OR7E24: variants seen among roughly 807,000 people sequenced by gnomAD.
OR7E24 encodes the protein olfactory receptor family 7 subfamily E member 24.
For missense variants in OR7E24, 385 were observed against 410.3 expected (o/e 0.94, Z 0.53); for synonymous variants, 130 against 157.5 (o/e 0.83, Z 1.31).
the OR7E24 span, among the ~76,000 whole-genome samples, chr19:9,234,062 C>T: frequency 6.6e-6 from 1 of 152,124 alleles, no homozygotes; most frequent in African/African-American, 2.4e-5. Context: ...CACCACCACG[C>T]CTGGCAATTT....
upstream of OR7E24, among the ~76,000 whole-genome samples, chr19:9,249,926 G>T (rs1397046619): frequency 1.3e-5 from 2 of 151,938 alleles, no homozygotes; most frequent in Admixed American, 6.6e-5. Flanking sequence ...CTGCATTCCA[G>T]CCTGGTGACA....
chr19:9,214,925 T>A, the OR7E24 span: 1 of 734,168 alleles, frequency 1.4e-6, no homozygotes, highest in Non-Finnish European at 2.3e-6. Context: ...CTTTACAATA[T>A]CACCTTTTGA....
chr19:9,240,829 T>A, the OR7E24 span, among the ~76,000 whole-genome samples: 1 of 152,178 alleles, frequency 6.6e-6, no homozygotes, highest in Non-Finnish European at 1.5e-5. Context: ...ATTTATTTAT[T>A]TATTTTGAGA....
upstream of OR7E24, among the ~76,000 whole-genome samples, chr19:9,243,122 G>A (rs1490298094): frequency 1.3e-5 from 2 of 152,094 alleles, no homozygotes; most frequent in African/African-American, 2.4e-5. Flanking sequence ...CTGTGTTTGG[G>A]ATGCAGTTCA....
chr19:9,217,355 G>GA, the OR7E24 span, among the ~76,000 whole-genome samples: 1 of 151,804 alleles, frequency 6.6e-6, no homozygotes, highest in African/African-American at 2.4e-5. Flanking sequence ...TTTGAGGTTT[G>GA]AAAAAAAATT....
At chr19:9,220,761 T>C in the OR7E24 span, among the ~76,000 whole-genome samples, 1 of 152,202 alleles carries the variant, frequency 6.6e-6, no homozygotes, top group Non-Finnish European at 1.5e-5. Flanking sequence ...GGTAGTTCTA[T>C]TTTTAAGTTT....
the OR7E24 span, among the ~76,000 whole-genome samples, chr19:9,215,499 C>T: frequency 6.6e-6 from 1 of 151,764 alleles, no homozygotes; most frequent in African/African-American, 2.4e-5. Flanking sequence ...AATCCCCATG[C>T]TTCCTTCATT....
chr19:9,233,447 G>A, the OR7E24 span, among the ~76,000 whole-genome samples: 85 of 152,310 alleles, frequency 5.6e-4, no homozygotes, highest in African/African-American at 1.9e-3. Context: ...ACGTACACAC[G>A]AGAACAGACT....
rs981552223 is a variant in OR7E24 at position 9,251,439 on chromosome 19, C to T, written c.396C>T (p.Leu132=). 5.0e-6 allele frequency: 8 copies of T among 1,614,132 alleles called. No individual in the cohort carries two copies. The highest frequency in any genetic ancestry group is 1.6e-4 in the Middle Eastern group (1 of 6,062). Residue 132 remains leucine, a synonymous_variant, in exon 1 of 1, where the codon CTC becomes CTT. Transcript: ENST00000456448. Reference sequence around the variant, plus strand: ...TTTTTGCATGTATGGATGACATGCTCCTGAGTGTGATGGCCTATGACCGGT... The same window carrying T: ...TTTTTGCATGTATGGATGACATGCTTCTGAGTGTGATGGCCTATGACCGGT... ...FVLFACMDDM[L]LSVMAYDRFV... is the part of the protein sequence containing the mutation.
chr19:9,244,502 G>T (rs771016882), upstream of OR7E24, among the ~76,000 whole-genome samples: 2 of 152,230 alleles, frequency 1.3e-5, no homozygotes, highest in Non-Finnish European at 2.9e-5. Context: ...TCAAAATGCA[G>T]AAGAATGAAG....
At chr19:9,214,319 C>A in the OR7E24 span, 1 of 1,614,116 alleles carries the variant, frequency 6.2e-7, no homozygotes, top group Non-Finnish European at 8.5e-7. Context: ...AATGCGGAAT[C>A]TCAGTGCCTG....
the OR7E24 span, among the ~76,000 whole-genome samples, chr19:9,225,691 C>T: frequency 6.6e-6 from 1 of 152,132 alleles, no homozygotes; most frequent in Non-Finnish European, 1.5e-5. Context: ...TGGGGAATGC[C>T]ACTCCTTGAA....
upstream of OR7E24, among the ~76,000 whole-genome samples, chr19:9,246,466 T>TGGGG (rs1555720675): frequency 4.3e-4 from 56 of 131,064 alleles, 1 homozygote; most frequent in African/African-American, 1.6e-3. Context: ...CTTAAAGGTA[T>TGGGG]TGTGTGTGTG....
At chr19:9,232,538 C>CAA in the OR7E24 span, among the ~76,000 whole-genome samples, 3,457 of 62,156 alleles carry the variant, frequency 0.056, 217 homozygotes, top group African/African-American at 0.15. Context: ...AACTCCGTCG[C>CAA]AAAAAAAAAA....
the OR7E24 span, chr19:9,214,082 A>G: frequency 0.012 from 19,967 of 1,614,068 alleles, 83 homozygotes; most frequent in Non-Finnish European, 0.015. Flanking sequence ...GTCCTGTTCC[A>G]TAGAACAAGG....
chr19:9,213,749 C>T, the OR7E24 span: 1 of 632,126 alleles, frequency 1.6e-6, no homozygotes, highest in Non-Finnish European at 2.7e-6. Flanking sequence ...AAAACAATAA[C>T]AATAACAACA....
At chr19:9,230,889 T>A in the OR7E24 span, among the ~76,000 whole-genome samples, 1 of 152,118 alleles carries the variant, frequency 6.6e-6, no homozygotes, top group Non-Finnish European at 1.5e-5. Context: ...TTCATGAATT[T>A]AAGAGGAATG....
the OR7E24 span, among the ~76,000 whole-genome samples, chr19:9,225,774 T>C: frequency 1.3e-5 from 2 of 152,212 alleles, no homozygotes; most frequent in African/African-American, 4.8e-5. Flanking sequence ...TCCTTACTTA[T>C]CCATTTCAGA....
chr19:9,211,456 A>G, the OR7E24 span: 1 of 152,252 alleles, frequency 6.6e-6, no homozygotes, highest in Non-Finnish European at 1.5e-5. Context: ...TAGCAAAAAC[A>G]TAAATTACCA....
Sources: gnomAD v4.1 joint callset for allele counts (sites outside exome capture counted in the v4.1 genomes callset) on GRCh38, gnomAD v4.1.1 for gene constraint, MANE v1.5 for transcripts, NCBI Gene and HGNC (gene_info 2026-07-23, HGNC 2026-07-21) for gene names.